BACH1: variants seen among roughly 807,000 people sequenced by gnomAD.
BACH1 encodes transcription regulator protein BACH1.
A neutral mutation model predicts 52.9 loss-of-function variants in BACH1; 35 were observed. The ratio of observed to expected loss-of-function variants is 0.66; its 90% CI spans 0.51 to 0.88. The LOEUF (loss-of-function observed/expected upper bound fraction) is 0.88, where lower values mean the gene tolerates loss of function less well. Ranked by LOEUF, BACH1 falls within the 40% of genes least tolerant of loss-of-function variation. The probability of loss-of-function intolerance (pLI) is 0.00; values close to 1 mark genes in which losing one functional copy is unlikely to be tolerated. For synonymous variants in BACH1, 321 were observed against 319.6 expected, an observed-to-expected ratio of 1.00 and a Z score of -0.05; for missense variants, 808 against 872.6, an observed-to-expected ratio of 0.93 and a Z score of 0.93.
chr21:29,323,916 T>C (rs1447516688), intron 2 of BACH1, among the ~76,000 whole-genome samples: 1 of 152,146 alleles, frequency 6.6e-6, no homozygotes, highest in East Asian at 1.9e-4. Flanking sequence ...TTAAGTTCTA[T>C]ATAATTTTAT....
chr21:29,337,069 G>C (rs956700851), intron 4 of BACH1, among the ~76,000 whole-genome samples: 1 of 152,142 alleles, frequency 6.6e-6, no homozygotes, highest in Non-Finnish European at 1.5e-5. Context: ...ATAAGTAATA[G>C]TCATTATTCT....
At chr21:29,340,112 C>T (rs958696522) in intron 4 of BACH1, among the ~76,000 whole-genome samples, 2 of 152,174 alleles carry the variant, frequency 1.3e-5, no homozygotes, top group Admixed American at 1.3e-4. Context: ...AATAGTGAGT[C>T]CCACTCATGA....
intron 1 of BACH1, among the ~76,000 whole-genome samples, chr21:29,304,909 T>C (rs1206034680): frequency 6.6e-6 from 1 of 152,248 alleles, no homozygotes; most frequent in African/African-American, 2.4e-5. Flanking sequence ...AGTTTTGTTA[T>C]AAAATATGTG....
intron 4 of BACH1, among the ~76,000 whole-genome samples, chr21:29,342,054 C>T (rs1043794475): frequency 2.0e-5 from 3 of 152,184 alleles, no homozygotes; most frequent in East Asian, 3.8e-4. Flanking sequence ...ACTACATAGT[C>T]TTTATCCTAC....
Position 29,343,031 on chromosome 21 carries a change from A to T in BACH1, c.*198A>T. On this transcript the variant is annotated 3_prime_UTR_variant, in exon 5 of 5. Transcript: ENST00000286800. ...ACAAAGAAATGATTTTGCCTCCTGG[A>T]TATCAGAAAAATCCATGTGAAAATG... 1 of 507,444 alleles carries T rather than the reference A, an allele frequency of 2.0e-6. No homozygotes were observed. The highest frequency in any genetic ancestry group is 3.7e-5 in the Admixed American group (1 of 27,278). The allele number at this position is 507,444 out of a possible 1,614,324, so 31.4% of individuals were successfully genotyped here.
rs962666862 is a variant in BACH1 at position 29,346,134 on chromosome 21, T to C, written c.*3301T>C. 10 of 152,424 alleles carry C rather than the reference T, an allele frequency of 6.6e-5. No homozygotes were observed. Among genetic ancestry groups the C allele is most frequent in the African/African-American group, 2.4e-4 (10 of 41,590 alleles). The allele number at this position is 152,424 out of a possible 1,614,324, so 9.4% of individuals were successfully genotyped here. On this transcript the variant is annotated 3_prime_UTR_variant, in exon 5 of 5. Transcript: ENST00000286800. ...GACAGTTAAATAAAATTCTCTAAAA[T>C]TGCTTCTAATTGAATAGAATTGTAC... is the stretch of plus-strand genomic sequence containing the variant.
At chr21:29,328,728 A>G (rs973828961) in intron 3 of BACH1, among the ~76,000 whole-genome samples, 4 of 152,178 alleles carry the variant, frequency 2.6e-5, no homozygotes, top group Non-Finnish European at 5.9e-5. Context: ...GCCCCTGGCA[A>G]CCACCATTCT....
At chr21:29,339,777 G>A (rs945883685) in intron 4 of BACH1, among the ~76,000 whole-genome samples, 1 of 151,948 alleles carries the variant, frequency 6.6e-6, no homozygotes, top group African/African-American at 2.4e-5. Context: ...AGGTTTACAG[G>A]TGTGTGCCAC....
chr21:29,356,071 G>A (rs2089232776), intron 2 of BACH1, among the ~76,000 whole-genome samples: 1 of 152,206 alleles, frequency 6.6e-6, no homozygotes, highest in African/African-American at 2.4e-5. Flanking sequence ...CAAACTATCT[G>A]AGAAATCCTG....
At chr21:29,348,536 T>A (rs1348747014), downstream of BACH1, among the ~76,000 whole-genome samples, 2 of 152,156 alleles carry the variant, frequency 1.3e-5, no homozygotes, top group Non-Finnish European at 2.9e-5. Context: ...CTCGTGATCC[T>A]AATTTCTATT....
At chr21:29,354,675 A>G (rs2089222949) in intron 2 of BACH1, among the ~76,000 whole-genome samples, 1 of 152,246 alleles carries the variant, frequency 6.6e-6, no homozygotes, top group Admixed American at 6.5e-5. Flanking sequence ...ACGAGGTCAG[A>G]GCAGGTTTGT....
rs2088607048 is a variant in BACH1, at chr21:29,301,824, TA to T, written c.-61+2873del. Among the ~76,000 whole-genome samples, 5 of 152,316 alleles carry T rather than the reference TA, an allele frequency of 3.3e-5. No individual in the cohort carries two copies. In the South Asian group the frequency reaches 1.0e-3, roughly 32 times the overall value. On this transcript the variant is annotated intron_variant, in intron 1 of 4. Transcript: ENST00000286800. ...CAAGCTTATGTTCTCTTAAGATTAA[TA>T]AGACGACATATTCAGTAAATCCCTT... is the stretch of plus-strand genomic sequence containing the variant.
chr21:29,352,870 C>T (rs1465165401), intron 2 of BACH1, among the ~76,000 whole-genome samples: 2 of 152,132 alleles, frequency 1.3e-5, no homozygotes, highest in African/African-American at 2.4e-5. Context: ...CGCCACCACA[C>T]CTGGCTAATT....
intron 1 of BACH1, among the ~76,000 whole-genome samples, chr21:29,315,549 A>G (rs1178014046): frequency 6.6e-6 from 1 of 152,208 alleles, no homozygotes; most frequent in East Asian, 1.9e-4. Flanking sequence ...AGATCAGGGC[A>G]CTGCTTTTAT....
chr21:29,304,705 C>T lies in BACH1; in HGVS notation c.-61+5752C>T, dbSNP rs143700264. Among the ~76,000 whole-genome samples, 123 of 152,230 alleles carry T rather than the reference C, an allele frequency of 8.1e-4. 1 individual carries two copies. The East Asian group carries it at 0.022, about 27-fold the overall frequency. On this transcript the variant is annotated intron_variant, in intron 1 of 4. Coordinates refer to ENST00000286800, the MANE Select transcript of BACH1 (RefSeq NM_001186.4). ...CTTCTTTTTATTGATTTGTCTGCCTCCAGGACCCTAGGGAGGTGTTTTTGT... is the reference window on the plus strand; with the variant it reads ...CTTCTTTTTATTGATTTGTCTGCCTTCAGGACCCTAGGGAGGTGTTTTTGT...
At chr21:29,339,870 A>G (rs549148153) in intron 4 of BACH1, among the ~76,000 whole-genome samples, 2 of 152,262 alleles carry the variant, frequency 1.3e-5, no homozygotes, top group East Asian at 3.9e-4. Context: ...TCCTGACCTC[A>G]CATGACCCGC....
At chr21:29,349,464 G>A (rs2089190070), downstream of BACH1, among the ~76,000 whole-genome samples, 1 of 152,178 alleles carries the variant, frequency 6.6e-6, no homozygotes, top group African/African-American at 2.4e-5. Context: ...CTTTCCCTGT[G>A]AAACTGCTAT....
intron 1 of BACH1, among the ~76,000 whole-genome samples, chr21:29,304,662 C>T (rs1437944273): frequency 1.3e-5 from 2 of 152,130 alleles, no homozygotes; most frequent in African/African-American, 4.8e-5. Flanking sequence ...CCCCTACACA[C>T]CTTTTTTCCA....
In BACH1 at chr21:29,326,731, A is replaced by G; in HGVS notation, c.907A>G (p.Lys303Glu). The G allele has an allele frequency of 6.2e-7, 1 of 1,614,100 alleles. No individual in the cohort carries two copies. The highest frequency in any genetic ancestry group is 8.5e-7 in the Non-Finnish European group (1 of 1,180,046). Residue 303 changes from lysine to glutamate, a missense_variant, in exon 3 of 5, where the codon AAA (lysine) becomes GAA (glutamate). Physicochemically the swap from Lys to Glu is moderately conservative, Grantham distance 56. Coordinates refer to ENST00000286800, the MANE Select transcript of BACH1 (RefSeq NM_001186.4). ...KDPASQCPTE[K>E]SEVTPFPHNS... ...TCCTGCTTCTCAGTGCCCAACTGAA[A>G]AATCAGAAGTGACTCCTTTCCCCCA...
Sources: gnomAD v4.1 joint callset for allele counts (sites outside exome capture counted in the v4.1 genomes callset) on GRCh38, gnomAD v4.1.1 for gene constraint, MANE v1.5 for transcripts, NCBI Gene and HGNC (gene_info 2026-07-23, HGNC 2026-07-21) for gene names.